THSD7A: variants seen among roughly 807,000 people sequenced by gnomAD.
The protein encoded by THSD7A is thrombospondin type-1 domain-containing protein 7A.
THSD7A carries 96 observed loss-of-function variants against 231.3 expected under a neutral mutation model. The ratio of observed to expected loss-of-function variants is 0.41; its 90% CI spans 0.35 to 0.49. THSD7A has a LOEUF of 0.49. THSD7A is among the 20% of genes least tolerant of loss of function. THSD7A has a pLI of 0.05. For missense variants in THSD7A, 2,290 were observed against 2,070.2 expected (o/e 1.11, Z -2.06); for synonymous variants, 940 against 743.3 (o/e 1.26, Z -4.30).
intron 1 of THSD7A, among the ~76,000 whole-genome samples, chr7:11,786,000 C>A: frequency 6.6e-6 from 1 of 152,090 alleles, no homozygotes; most frequent in South Asian, 2.1e-4. Flanking sequence ...CTGGTTTATC[C>A]GTTATGGAAT....
chr7:11,514,883 C>T (rs1021936647), intron 6 of THSD7A, among the ~76,000 whole-genome samples: 1 of 152,072 alleles, frequency 6.6e-6, no homozygotes, highest in East Asian at 1.9e-4. Context: ...AAACTAAGAA[C>T]CACTAATATT....
chr7:11,699,041 T>C (rs1402868302), intron 1 of THSD7A, among the ~76,000 whole-genome samples: 4 of 150,490 alleles, frequency 2.7e-5, no homozygotes, highest in Non-Finnish European at 5.9e-5. Flanking sequence ...GATAACTAAT[T>C]AAGAGCCAGA....
Position 11,371,186 on chromosome 7 carries a change from A to G in THSD7A, c.*4608T>C, listed in dbSNP as rs879689749. On this transcript the variant is annotated 3_prime_UTR_variant, in exon 28 of 28. Transcript: ENST00000423059. ...GTTTCATTCATTTAATAATGTAGAC[A>G]TAACCATTTTTCATTGTCCCTGCTA... is the stretch of plus-strand genomic sequence containing the variant. 2 of 152,234 alleles carry G rather than the reference A, an allele frequency of 1.3e-5. No homozygotes were observed. The highest frequency in any genetic ancestry group is 2.4e-5 in the African/African-American group (1 of 41,460). 9.4% of individuals were successfully genotyped at this position (152,234 alleles called of 1,614,324 possible). A position where few individuals can be genotyped will look rare whatever the true frequency, so the allele number is the denominator to read the frequency against.
intron 1 of THSD7A, among the ~76,000 whole-genome samples, chr7:11,789,762 T>C (rs1783893578): frequency 2.0e-5 from 3 of 151,988 alleles, no homozygotes; most frequent in African/African-American, 7.2e-5. Flanking sequence ...AAATACCTTT[T>C]TTGTTTTAGA....
chr7:11,742,237 C>A (rs1260691669), intron 1 of THSD7A, among the ~76,000 whole-genome samples: 1 of 151,820 alleles, frequency 6.6e-6, no homozygotes, highest in Non-Finnish European at 1.5e-5. Context: ...TGATCATATT[C>A]AACAGTCTTT....
intron 6 of THSD7A, among the ~76,000 whole-genome samples, chr7:11,485,156 TG>T (rs2128305767): frequency 1.3e-5 from 2 of 152,184 alleles, no homozygotes; most frequent in East Asian, 3.9e-4. Flanking sequence ...CCCAAAGTGC[TG>T]GGATTACAGG....
At chr7:11,711,204 T>C (rs936304410) in intron 1 of THSD7A, among the ~76,000 whole-genome samples, 2 of 151,064 alleles carry the variant, frequency 1.3e-5, no homozygotes, top group East Asian at 2.0e-4. Flanking sequence ...AAGGAACTGA[T>C]ACTTTTGTGC....
In THSD7A at chr7:11,377,564, T is replaced by C. The variant is rs891777815; in HGVS notation, c.4802-907A>G. On this transcript the variant is annotated intron_variant, in intron 26 of 27. Transcript: ENST00000423059. The surrounding 1 kb of genome is among the most constrained non-coding windows in gnomAD (Gnocchi z 4.5). Reference sequence around the variant, plus strand: ...GGAAATTGGTACTGTGGAATTTTTTTGCCCGGAGTTAGATCAAGTTAGAGG... The same window carrying C: ...GGAAATTGGTACTGTGGAATTTTTTCGCCCGGAGTTAGATCAAGTTAGAGG... Among the ~76,000 whole-genome samples, 3 of 152,130 alleles carry C rather than the reference T, an allele frequency of 2.0e-5. No individual in the cohort carries two copies. The highest frequency in any genetic ancestry group is 2.9e-5 in the Non-Finnish European group (2 of 67,990).
chr7:11,393,072 G>C (rs930428448), intron 23 of THSD7A, among the ~76,000 whole-genome samples: 8 of 152,198 alleles, frequency 5.3e-5, no homozygotes, highest in Non-Finnish European at 1.2e-4. Flanking sequence ...GTGGGTCCCT[G>C]ACCCCTGTGT....
At chr7:11,725,603 G>C (rs961521682) in intron 1 of THSD7A, among the ~76,000 whole-genome samples, 1 of 151,854 alleles carries the variant, frequency 6.6e-6, no homozygotes, top group Non-Finnish European at 1.5e-5. Context: ...ATCTTTATTT[G>C]GTTAATTAGT....
At chr7:11,668,903 C>T (rs758292040) in intron 1 of THSD7A, among the ~76,000 whole-genome samples, 2 of 151,892 alleles carry the variant, frequency 1.3e-5, no homozygotes, top group Non-Finnish European at 2.9e-5. Flanking sequence ...CCACACTCTA[C>T]TGAATTCTGT....
chr7:11,543,083 T>C lies in THSD7A; in HGVS notation c.1488A>G (p.Gly496=). 1 of 1,613,144 alleles carries C rather than the reference T, an allele frequency of 6.2e-7. No homozygotes were observed. The highest frequency in any genetic ancestry group is 8.5e-7 in the Non-Finnish European group (1 of 1,179,622). ...SKPMDLKLCT[G]PIPNTTQLCH... ...ACAGCTGTGTAGTATTAGGGATAGGTCCAGTGCATAATTTTAAGTCCATTG... is the reference window on the plus strand; with the variant it reads ...ACAGCTGTGTAGTATTAGGGATAGGCCCAGTGCATAATTTTAAGTCCATTG... Residue 496 remains glycine (G), a synonymous_variant, in exon 5 of 28, where the codon GGA becomes GGG. Coordinates refer to ENST00000423059, the MANE Select transcript of THSD7A (RefSeq NM_015204.3).
chr7:11,468,956 CTA>C (rs537016941), intron 9 of THSD7A, among the ~76,000 whole-genome samples: 229 of 152,100 alleles, frequency 1.5e-3, no homozygotes, highest in African/African-American at 5.3e-3. Flanking sequence ...CATGTTTCAA[CTA>C]TATAAAAATA....
intron 1 of THSD7A, among the ~76,000 whole-genome samples, chr7:11,807,200 G>A (rs1247772982): frequency 6.6e-6 from 1 of 152,014 alleles, no homozygotes; most frequent in East Asian, 1.9e-4. Context: ...GTGGTAATTG[G>A]GGGCAGCCAT....
At chr7:11,768,352 A>T (rs766286986) in intron 1 of THSD7A, among the ~76,000 whole-genome samples, 10 of 152,254 alleles carry the variant, frequency 6.6e-5, no homozygotes, top group Admixed American at 1.3e-4. Flanking sequence ...AGCTAACATC[A>T]TAGAGGCAAT....
intron 1 of THSD7A, among the ~76,000 whole-genome samples, chr7:11,806,854 C>A (rs763502119): frequency 1.4e-4 from 21 of 152,092 alleles, no homozygotes; most frequent in Non-Finnish European, 2.8e-4. Context: ...GCCTTTTAGG[C>A]CTTCTAAGTT....
In THSD7A at chr7:11,747,568, A is replaced by G. The variant is rs556922374; in HGVS notation, c.190+84189T>C. ...CCATAACTTTTATGTCTAGTACAGT[A>G]CACGTCAAGCTCTGTGTTGGATGCT... On this transcript the variant is annotated intron_variant, in intron 1 of 27. Transcript: ENST00000423059. Among the ~76,000 whole-genome samples, 19 of 152,060 alleles carry G rather than the reference A, an allele frequency of 1.2e-4. 2 individuals are homozygous for G. The South Asian group carries it at 3.1e-3, about 25-fold the overall frequency.
At chr7:11,641,746 C>G (rs1455932005) in intron 1 of THSD7A, among the ~76,000 whole-genome samples, 1 of 149,004 alleles carries the variant, frequency 6.7e-6, no homozygotes, top group African/African-American at 2.4e-5. Context: ...ATGATTGAAC[C>G]TAAAATAAAA....
intron 1 of THSD7A, among the ~76,000 whole-genome samples, chr7:11,809,628 C>T (rs530483503): frequency 5.9e-5 from 9 of 152,230 alleles, no homozygotes; most frequent in African/African-American, 1.4e-4. Flanking sequence ...GTAAATATTT[C>T]AGTAAGCATT....
Sources: allele counts gnomAD v4.1 joint callset (sites outside exome capture counted in the v4.1 genomes callset), GRCh38; gene constraint gnomAD v4.1.1; non-coding constraint Gnocchi (gnomAD v3.1); transcripts MANE v1.5; gene names NCBI Gene and HGNC (gene_info 2026-07-23, HGNC 2026-07-21).